Variants in ARHGAP26 observed in about 807,000 individuals in gnomAD.
The protein encoded by ARHGAP26 is Rho GTPase activating protein 26.
ARHGAP26 carries 38 observed loss-of-function variants against 104.8 expected under a neutral mutation model. That is an observed-to-expected ratio of 0.36 (90% CI 0.28 to 0.48). ARHGAP26 has a LOEUF of 0.48. Among genes scored for constraint, ARHGAP26 ranks in the 20% least tolerant of loss-of-function variants. The pLI is 0.99. For synonymous variants in ARHGAP26, 341 were observed against 340.0 expected, an observed-to-expected ratio of 1.00 and a Z score of -0.03; for missense variants, 704 against 947.9, an observed-to-expected ratio of 0.74 and a Z score of 3.38.
intron 17 of ARHGAP26, among the ~76,000 whole-genome samples, chr5:143,119,073 C>A (rs1464900789): frequency 6.6e-6 from 1 of 152,066 alleles, no homozygotes; most frequent in African/African-American, 2.4e-5. Context: ...TGTGTTCTCC[C>A]CAGGGGAGGT....
In ARHGAP26 at chr5:143,147,232, G is replaced by A. The variant is rs761619141; in HGVS notation, c.1839G>A (p.Gln613=). Residue 613 remains glutamine, a splice_region_variant and synonymous_variant, in exon 20 of 23, where the codon CAG becomes CAA. Coordinates refer to ENST00000645722, the MANE Select transcript of ARHGAP26 (RefSeq NM_001135608.3). ...GGACTTGTGGCTTTTCCCCCCCAGA[G>A]GAACAAAGGAACAGCATCATCAACT... ...LFHTVQSTEK[Q]EQRNSIINSS... The A allele has an allele frequency of 5.0e-6, 8 of 1,613,630 alleles. No homozygotes were observed. Among genetic ancestry groups the A allele is most frequent in the Admixed American group, 1.7e-5 (1 of 59,986 alleles).
intron 20 of ARHGAP26, among the ~76,000 whole-genome samples, chr5:143,180,315 G>A (rs1019997226): frequency 9.9e-5 from 15 of 151,996 alleles, no homozygotes; most frequent in African/African-American, 2.7e-4. Context: ...TAGTAGAGAC[G>A]GGGTTTCACC....
intron 18 of ARHGAP26, among the ~76,000 whole-genome samples, chr5:143,125,226 C>T (rs966595703): frequency 6.6e-6 from 1 of 152,226 alleles, no homozygotes; most frequent in Admixed American, 6.5e-5. Flanking sequence ...AATCTTTTCT[C>T]TCTTTGCCTA....
chr5:142,991,815 G>C (rs111707959), intron 11 of ARHGAP26, among the ~76,000 whole-genome samples: 162 of 152,198 alleles, frequency 1.1e-3, no homozygotes, highest in African/African-American at 3.7e-3. Context: ...GATGTTTGTA[G>C]GGCAACAAAA....
intron 15 of ARHGAP26, among the ~76,000 whole-genome samples, chr5:143,055,569 A>G (rs1785682067): frequency 6.6e-6 from 1 of 152,188 alleles, no homozygotes; most frequent in Non-Finnish European, 1.5e-5. Context: ...AGCATTCTGG[A>G]GCAATACTCC....
chr5:142,799,197 T>G (rs1456918640), intron 1 of ARHGAP26, among the ~76,000 whole-genome samples: 2 of 152,136 alleles, frequency 1.3e-5, no homozygotes, highest in Non-Finnish European at 2.9e-5. Flanking sequence ...GTGGGTTTTT[T>G]TTTTGGAGGC....
At chr5:143,074,744 G>C (rs779250800) in intron 17 of ARHGAP26, among the ~76,000 whole-genome samples, 29 of 152,200 alleles carry the variant, frequency 1.9e-4, no homozygotes, top group Non-Finnish European at 3.2e-4. Flanking sequence ...TCCTATACTT[G>C]AGATTCCTTT....
At chr5:142,903,111 C>T (rs374037434) in intron 7 of ARHGAP26, among the ~76,000 whole-genome samples, 1 of 152,116 alleles carries the variant, frequency 6.6e-6, no homozygotes, top group South Asian at 2.1e-4. Context: ...AAGGAACTCC[C>T]CTTTTAAGGA....
intron 12 of ARHGAP26, among the ~76,000 whole-genome samples, chr5:143,022,102 A>AC (rs1484809563): frequency 1.3e-5 from 2 of 150,954 alleles, no homozygotes; most frequent in Admixed American, 1.3e-4. Context: ...TTTTTTTGAG[A>AC]CCCCTGTCAC....
At chr5:143,207,560 T>G in intron 21 of ARHGAP26, 2 of 1,504,188 alleles carry the variant, frequency 1.3e-6, no homozygotes, top group Non-Finnish European at 1.8e-6. Flanking sequence ...CTCCTGTGGT[T>G]CCATCCTAAG....
intron 17 of ARHGAP26, among the ~76,000 whole-genome samples, chr5:143,099,588 A>T (rs943017919): frequency 1.6e-4 from 25 of 152,320 alleles, no homozygotes; most frequent in African/African-American, 5.3e-4. Flanking sequence ...ATTCAAATTC[A>T]TTTTCGCAGT....
chr5:143,216,475 A>T (rs957027063), intron 22 of ARHGAP26: 1 of 340,188 alleles, frequency 2.9e-6, no homozygotes, highest in African/African-American at 2.1e-5. Flanking sequence ...CTACAGCCTC[A>T]TGCCTTCTTC....
chr5:142,912,051 CCT>C (rs1403328374), intron 9 of ARHGAP26, among the ~76,000 whole-genome samples: 5 of 152,268 alleles, frequency 3.3e-5, no homozygotes, highest in African/African-American at 1.2e-4. Flanking sequence ...GCTAATTTCC[CCT>C]GTTAGTTTAG....
intron 10 of ARHGAP26, among the ~76,000 whole-genome samples, chr5:142,931,766 G>T (rs951575879): frequency 1.3e-5 from 2 of 152,126 alleles, no homozygotes; most frequent in African/African-American, 4.8e-5. Flanking sequence ...ATTGAACAAC[G>T]TCTAAAGGCA....
At chr5:142,811,490 G>A (rs536195824) in intron 1 of ARHGAP26, among the ~76,000 whole-genome samples, 3 of 152,260 alleles carry the variant, frequency 2.0e-5, no homozygotes, top group East Asian at 1.9e-4. Context: ...ACGTGTAGTT[G>A]GTAAGTACCT....
intron 11 of ARHGAP26, among the ~76,000 whole-genome samples, chr5:142,942,355 A>G (rs1418663743): frequency 3.3e-5 from 5 of 152,250 alleles, no homozygotes; most frequent in African/African-American, 1.2e-4. Context: ...AGAAAAAATT[A>G]TATAGAAATA....
chr5:142,966,336 A>AT (rs1003784058), intron 11 of ARHGAP26, among the ~76,000 whole-genome samples: 44 of 152,070 alleles, frequency 2.9e-4, no homozygotes, highest in East Asian at 1.2e-3. Flanking sequence ...ACTTTGTATT[A>AT]TTTTTTTTAA....
At chr5:142,883,467 A>T (rs1339633172) in intron 4 of ARHGAP26, among the ~76,000 whole-genome samples, 1 of 152,254 alleles carries the variant, frequency 6.6e-6, no homozygotes, top group Non-Finnish European at 1.5e-5. Flanking sequence ...TTGTTCTTGT[A>T]TGTGAACAGT....
intron 1 of ARHGAP26, among the ~76,000 whole-genome samples, chr5:142,863,744 G>C (rs995442827): frequency 1.3e-5 from 2 of 152,084 alleles, no homozygotes; most frequent in Non-Finnish European, 2.9e-5. Flanking sequence ...GTAGACTCTC[G>C]GGCTCCCAGG....
Sources: gnomAD v4.1 joint callset for allele counts (sites outside exome capture counted in the v4.1 genomes callset) on GRCh38, gnomAD v4.1.1 for gene constraint, MANE v1.5 for transcripts, NCBI Gene and HGNC (gene_info 2026-07-23, HGNC 2026-07-21) for gene names.